Variants in PHC3 observed in about 807,000 individuals in gnomAD.
The protein encoded by PHC3 is polyhomeotic homolog 3.
A neutral mutation model predicts 107.4 loss-of-function variants in PHC3; 13 were observed. The observed-to-expected ratio is 0.12, with a 90% CI of 0.08 to 0.19. The LOEUF is 0.19. Among genes scored for constraint, PHC3 ranks in the 10% least tolerant of loss-of-function variants. PHC3 has a pLI of 1.00. For synonymous variants in PHC3, 456 were observed against 427.4 expected (o/e 1.07, Z -0.83); for missense variants, 992 against 1,210.9 (o/e 0.82, Z 2.68).
chr3:170,171,152 T>C (rs1337894095), intron 4 of PHC3: 4 of 575,164 alleles, frequency 7.0e-6, no homozygotes, highest in South Asian at 2.4e-5. Flanking sequence ...CAAATGGATA[T>C]ACAAGAAATA....
intron 1 of PHC3, among the ~76,000 whole-genome samples, chr3:170,180,346 G>A (rs763787133): frequency 3.9e-5 from 6 of 152,042 alleles, no homozygotes; most frequent in Non-Finnish European, 7.4e-5. Context: ...CAACTTGAGA[G>A]GCTAAGGTGG....
At chr3:170,159,635 T>G (rs1041869580) in intron 4 of PHC3, among the ~76,000 whole-genome samples, 17 of 152,192 alleles carry the variant, frequency 1.1e-4, no homozygotes, top group African/African-American at 4.1e-4. Context: ...TTTGTTTAGT[T>G]TCACATACAT....
chr3:170,171,849 C>G (rs150801629), intron 3 of PHC3, among the ~76,000 whole-genome samples: 12 of 152,276 alleles, frequency 7.9e-5, no homozygotes, highest in African/African-American at 2.6e-4. Flanking sequence ...GAAGCAACAG[C>G]TGAGAATCTG....
chr3:170,128,538 A>T, intron 8 of PHC3, 146 bp downstream of exon 8: 1 of 1,178,910 alleles, frequency 8.5e-7, no homozygotes, highest in Non-Finnish European at 1.2e-6. Flanking sequence ...TTGCCCATAC[A>T]GCATGTTTGT....
Position 170,172,719 on chromosome 3 carries a change from TAA to T in PHC3, c.181-9_181-8del, listed in dbSNP as rs754687682. On this transcript the variant is annotated splice_polypyrimidine_tract_variant and splice_region_variant and intron_variant, in intron 2 of 14. Coordinates refer to ENST00000495893, the MANE Select transcript of PHC3 (RefSeq NM_024947.4). ...GCAATGCCTGTTGAATTACCTGTGA[TAA>T]GTCAATTGAACCAATGTCAAACCAT... 6.3e-7 allele frequency: 1 copy of T among 1,587,180 alleles called. No homozygotes were observed. Among genetic ancestry groups the T allele is most frequent in the Non-Finnish European group, 8.6e-7 (1 of 1,162,590 alleles).
In PHC3 at chr3:170,096,631, G is replaced by T. The variant is rs948202617; in HGVS notation, c.*599C>A. 6.6e-6 allele frequency: 1 copy of T among 151,966 alleles called. No homozygotes were observed. Among genetic ancestry groups the T allele is most frequent in the Non-Finnish European group, 1.5e-5 (1 of 68,000 alleles). The allele number at this position is 151,966 out of a possible 1,614,324, so 9.4% of individuals were successfully genotyped here. On this transcript the variant is annotated 3_prime_UTR_variant, in exon 15 of 15. Coordinates refer to ENST00000495893, the MANE Select transcript of PHC3 (RefSeq NM_024947.4). ...ACGTTCTCAGTCAAACCAAATTCTT[G>T]GTCAAGTTTGGAATAGAAACTAACT...
Position 170,129,489 on chromosome 3 carries a change from G to A in PHC3, c.983C>T (p.Pro328Leu). ...CTGATGATGGGAAACTTTGGAAGGT[G>A]GTGAATGAAGAGGAATCTGCTGATG... ...IKHQQIPLHS[P>L]PSKVSHHQLI... Residue 328 changes from proline (P) to leucine (L), a missense_variant, in exon 8 of 15, where the codon CCA becomes CTA. By Grantham distance (98) the Pro-to-Leu change is moderately conservative. Around this residue, in one of 6 missense-constraint regions of PHC3, gnomAD observed 543 missense variants for 590.8 expected, o/e 0.92. Transcript: ENST00000495893. 1 of 1,613,740 alleles carries A rather than the reference G, an allele frequency of 6.2e-7. No homozygotes were observed. The highest frequency in any genetic ancestry group is 8.5e-7 in the Non-Finnish European group (1 of 1,179,752).
At position 170,136,460 on chromosome 3, in the gene PHC3, G is replaced by A; in HGVS notation, c.878C>T (p.Ala293Val). ...ESPSLESRSTAVTRTSSIHQL... is the reference protein window; with the variant it reads ...ESPSLESRSTVVTRTSSIHQL... ...GTGAATACTTGATGTCCGGGTGACA[G>A]CTGTGCTTCGTGATTCCAGGCTTGG... Residue 293 changes from alanine (A) to valine (V), a missense_variant, in exon 7 of 15, where the codon GCT becomes GTT. By Grantham distance (64) the Ala-to-Val change is moderately conservative. Around this residue, in one of 6 missense-constraint regions of PHC3, gnomAD observed 543 missense variants for 590.8 expected, o/e 0.92. Transcript: ENST00000495893. 1 of 1,605,104 alleles carries A rather than the reference G, an allele frequency of 6.2e-7. No individual in the cohort carries two copies. The highest frequency in any genetic ancestry group is 8.5e-7 in the Non-Finnish European group (1 of 1,176,830).
Position 170,088,609 on chromosome 3 carries a change from T to C in PHC3, c.*8621A>G, listed in dbSNP as rs1713743345. ...AATTATATCATCTTTGCGCATTCAG[T>C]TGACTTTTTAAAATTTAAGAATACA... On this transcript the variant is annotated 3_prime_UTR_variant, in exon 15 of 15. Transcript: ENST00000495893. 6.6e-6 allele frequency: 1 copy of C among 152,204 alleles called. No individual in the cohort carries two copies. The highest frequency in any genetic ancestry group is 6.5e-5 in the Admixed American group (1 of 15,282). The allele number at this position is 152,204 out of a possible 1,614,324, so 9.4% of individuals were successfully genotyped here.
chr3:170,124,280 A>G (rs988813748), intron 8 of PHC3, among the ~76,000 whole-genome samples: 3 of 152,264 alleles, frequency 2.0e-5, no homozygotes, highest in East Asian at 1.9e-4. Context: ...AAATAAAGCC[A>G]TAAGAGTTCA....
intron 4 of PHC3, among the ~76,000 whole-genome samples, chr3:170,154,188 C>T (rs973508986): frequency 2.6e-5 from 4 of 152,096 alleles, no homozygotes; most frequent in African/African-American, 7.2e-5. Flanking sequence ...CCAGTATCTA[C>T]GAAAGGTCTT....
chr3:170,098,304 A>C (rs1714915935), intron 14 of PHC3, among the ~76,000 whole-genome samples: 1 of 152,192 alleles, frequency 6.6e-6, no homozygotes, highest in South Asian at 2.1e-4. Context: ...CTTTCTTGAG[A>C]GACAGTAAAA....
chr3:170,101,801 A>G (rs968846396), intron 14 of PHC3, among the ~76,000 whole-genome samples: 3 of 152,106 alleles, frequency 2.0e-5, no homozygotes, highest in Non-Finnish European at 4.4e-5. Flanking sequence ...AAAGATAGAG[A>G]CTTAAGGTGA....
intron 10 of PHC3, among the ~76,000 whole-genome samples, chr3:170,116,319 C>T (rs150032247): frequency 1.9e-4 from 29 of 152,218 alleles, no homozygotes; most frequent in Admixed American, 7.2e-4. Context: ...AATCCAAGCA[C>T]TTTGGGAGGC....
intron 6 of PHC3, among the ~76,000 whole-genome samples, chr3:170,137,290 C>T (rs1048256827): frequency 6.6e-6 from 1 of 152,170 alleles, no homozygotes; most frequent in Non-Finnish European, 1.5e-5. Context: ...CTGCATGACC[C>T]TGAAATGGCT....
intron 4 of PHC3, chr3:170,170,745 T>A (rs1159738878): frequency 6.6e-6 from 1 of 152,112 alleles, no homozygotes; most frequent in African/African-American, 2.4e-5. Context: ...GATACAGAAA[T>A]TTTTTTATTA....
chr3:170,143,417 C>T (rs1381607249), intron 6 of PHC3, among the ~76,000 whole-genome samples: 1 of 152,056 alleles, frequency 6.6e-6, no homozygotes, highest in Non-Finnish European at 1.5e-5. Context: ...TAAATTAATA[C>T]ATGAAAATTA....
intron 5 of PHC3, chr3:170,147,998 G>A (rs1443940624): frequency 6.6e-6 from 1 of 152,202 alleles, no homozygotes; most frequent in Non-Finnish European, 1.5e-5. Context: ...CAAGCCAGGT[G>A]TGGTGGTTCA....
intron 9 of PHC3, among the ~76,000 whole-genome samples, chr3:170,118,039 G>T (rs1366284022): frequency 6.6e-6 from 1 of 152,062 alleles, no homozygotes; most frequent in Non-Finnish European, 1.5e-5. Context: ...TTGTTCCCAT[G>T]AGACATGAAA....
Sources: allele counts gnomAD v4.1 joint callset (sites outside exome capture counted in the v4.1 genomes callset), GRCh38; gene constraint gnomAD v4.1.1; regional missense constraint gnomAD v4.1.1; transcripts MANE v1.5; gene names NCBI Gene and HGNC (gene_info 2026-07-23, HGNC 2026-07-21).